The following TTC19 variants were observed in gnomAD, a reference collection of about 807,000 sequenced individuals.
TTC19 encodes tetratricopeptide repeat domain 19.
Under a neutral mutation model 49.5 loss-of-function variants are expected in TTC19, and 38 were observed. The ratio of observed to expected loss-of-function variants is 0.77; its 90% CI spans 0.59 to 1.01. TTC19 has a LOEUF of 1.01. Ranked by LOEUF, TTC19 falls within the 50% of genes least tolerant of loss-of-function variation. The probability of loss-of-function intolerance (pLI) is 0.00; values close to 1 mark genes in which losing one functional copy is unlikely to be tolerated. For synonymous variants in TTC19, 204 were observed against 185.2 expected (o/e 1.10, Z -0.83); for missense variants, 475 against 477.7 (o/e 0.99, Z 0.05).
At chr17:16,018,454 T>C (rs1205434643) in intron 7 of TTC19, among the ~76,000 whole-genome samples, 1 of 152,190 alleles carries the variant, frequency 6.6e-6, no homozygotes, top group Non-Finnish European at 1.5e-5. Flanking sequence ...TCAGTTGATA[T>C]TCCACATTAC....
chr17:16,002,046 G>A, intron 3 of TTC19, 21 bp downstream of exon 3: 1 of 1,537,742 alleles, frequency 6.5e-7, no homozygotes. Context: ...TAACCAGTCT[G>A]AACCACTGAT....
chr17:16,025,323 C>A, intron 8 of TTC19, 152 bp downstream of exon 8: 1 of 794,060 alleles, frequency 1.3e-6, no homozygotes, highest in Non-Finnish European at 2.0e-6. Context: ...CCAGCACCCT[C>A]ACCCCAACTA....
In TTC19 at chr17:16,001,985, A is replaced by T. The variant is rs771626805; in HGVS notation, c.383A>T (p.Gln128Leu). The change falls in exon 3 of 10, where the codon CAG (glutamine) becomes CTG (leucine). Residue 128 changes from glutamine (Q) to leucine (L), a missense_variant. Gln to Leu is a moderately radical substitution (Grantham distance 113, BLOSUM62 -2). Coordinates refer to ENST00000261647, the MANE Select transcript of TTC19 (RefSeq NM_017775.4). The part of the protein sequence containing the change: ...ILHDALRLAY[Q>L]TDNKKAITYT... ...CATGACGCTCTTCGTCTCGCCTATC[A>T]GACTGATAACAAGAAGGCCATCACT... 6.2e-7 allele frequency: 1 copy of T among 1,613,314 alleles called. No homozygotes were observed. Among genetic ancestry groups the T allele is most frequent in the South Asian group, 1.1e-5 (1 of 91,082 alleles).
At chr17:16,006,432 A>G in intron 6 of TTC19, 42 bp from the exon 7 acceptor site, 1 of 1,401,424 alleles carries the variant, frequency 7.1e-7, no homozygotes, top group Non-Finnish European at 1.0e-6. Flanking sequence ...GAAAAAAAAA[A>G]GAAGAAAAGG....
rs948928809 is a variant in TTC19, at chr17:16,028,021, G to A, written c.*499G>A. On this transcript the variant is annotated 3_prime_UTR_variant, in exon 10 of 10. Transcript: ENST00000261647. ...TAGTCTGTTTCATGAAGCACAAGTG[G>A]AATTTAATACATAAAAGAGAAAAAT... 2.0e-5 allele frequency: 9 copies of A among 453,960 alleles called. No individual in the cohort carries two copies. Among genetic ancestry groups the A allele is most frequent in the Non-Finnish European group, 3.1e-5 (7 of 226,826 alleles). The allele number at this position is 453,960 out of a possible 1,614,324, so 28.1% of individuals were successfully genotyped here.
At chr17:16,005,816 G>A (rs1009180665) in intron 6 of TTC19, among the ~76,000 whole-genome samples, 5 of 152,194 alleles carry the variant, frequency 3.3e-5, no homozygotes, top group African/African-American at 1.2e-4. Context: ...ACTGTTTAGG[G>A]TAGTATTACT....
downstream of TTC19, chr17:16,032,223 C>T: frequency 7.0e-7 from 1 of 1,435,898 alleles, no homozygotes; most frequent in Non-Finnish European, 9.2e-7. Context: ...AGGTTTTTGA[C>T]CTGCTACTAA....
At chr17:16,001,665 G>A (rs970749811) in intron 2 of TTC19, among the ~76,000 whole-genome samples, 1 of 152,218 alleles carries the variant, frequency 6.6e-6, no homozygotes, top group African/African-American at 2.4e-5. Flanking sequence ...TATGTTGTAA[G>A]ATCACATTCC....
At chr17:16,040,155 C>A (rs1399198927) in intron 2 of TTC19, 1 of 547,756 alleles carries the variant, frequency 1.8e-6, no homozygotes, top group Admixed American at 2.2e-5. Flanking sequence ...ATCAGTCACC[C>A]ACACTTCTAT....
At chr17:16,033,031 A>G (rs935260219), downstream of TTC19, among the ~76,000 whole-genome samples, 1 of 152,196 alleles carries the variant, frequency 6.6e-6, no homozygotes, top group Non-Finnish European at 1.5e-5. Context: ...TGTCCCCAGA[A>G]AGCCTCCTAC....
Position 16,027,664 on chromosome 17 carries a change from G to A in TTC19, c.*142G>A, listed in dbSNP as rs1313971680. 1 of 944,932 alleles carries A rather than the reference G, an allele frequency of 1.1e-6. No individual in the cohort carries two copies. Among genetic ancestry groups the A allele is most frequent in the Admixed American group, 2.0e-5 (1 of 50,962 alleles). 58.5% of individuals were successfully genotyped at this position (944,932 alleles called of 1,614,324 possible). A position where few individuals can be genotyped will look rare whatever the true frequency, so the allele number is the denominator to read the frequency against. On this transcript the variant is annotated 3_prime_UTR_variant, in exon 10 of 10. Transcript: ENST00000261647. ...TCAATTTAGCCTTAGTGAAGGAGGG[G>A]TTGTACACACTGCCATTTTTGTATT...
intron 7 of TTC19, chr17:16,023,888 AACTGAAG>A (rs1485150873): frequency 6.6e-6 from 1 of 152,232 alleles, no homozygotes; most frequent in African/African-American, 2.4e-5. Flanking sequence ...GATTTCTGAA[AACTGAAG>A]ACATAGAAGG....
chr17:16,016,104 G>A (rs1971206149), intron 7 of TTC19, among the ~76,000 whole-genome samples: 1 of 151,962 alleles, frequency 6.6e-6, no homozygotes, highest in Non-Finnish European at 1.5e-5. Flanking sequence ...GGTCCCTTAG[G>A]TGGGAGATGA....
intron 7 of TTC19, among the ~76,000 whole-genome samples, chr17:16,017,169 T>A (rs1971240295): frequency 1.3e-5 from 2 of 152,212 alleles, no homozygotes; most frequent in East Asian, 3.8e-4. Context: ...TATCTTACCC[T>A]TAACTTTTCT....
In TTC19 at chr17:16,001,917, G is replaced by C; in HGVS notation, c.315G>C (p.Leu105Phe). 18 of 1,608,760 alleles carry C rather than the reference G, an allele frequency of 1.1e-5. No individual in the cohort carries two copies. Among genetic ancestry groups the C allele is most frequent in the Non-Finnish European group, 1.5e-5 (18 of 1,175,996 alleles). Residue 105 changes from leucine to phenylalanine, a missense_variant and splice_region_variant, in exon 3 of 10, where the codon TTG becomes TTC. Leu to Phe is a conservative substitution (Grantham distance 22). Coordinates refer to ENST00000261647, the MANE Select transcript of TTC19 (RefSeq NM_017775.4). ...ATTATTTTGTCTTCCCTTTTCAGTTGAGCATTATGAAAGATGAGCCAGAAG... is the reference window on the plus strand; with the variant it reads ...ATTATTTTGTCTTCCCTTTTCAGTTCAGCATTATGAAAGATGAGCCAGAAG... ...EIIQLLKRAK[L>F]SIMKDEPEEA... is the part of the protein sequence containing the mutation.
At chr17:16,040,021 C>T (rs1268201793) in intron 2 of TTC19, 1 of 391,818 alleles carries the variant, frequency 2.6e-6, no homozygotes, top group Non-Finnish European at 4.9e-6. Flanking sequence ...AATTCCGAAC[C>T]TCAGGTGATC....
intron 7 of TTC19, among the ~76,000 whole-genome samples, chr17:16,013,799 G>C (rs1302687851): frequency 6.6e-6 from 1 of 152,202 alleles, no homozygotes; most frequent in East Asian, 1.9e-4. Flanking sequence ...AGTTCGTAAA[G>C]TGCCTTCAGA....
intron 8 of TTC19, 21 bp downstream of exon 8, chr17:16,025,192 A>G: frequency 6.2e-7 from 1 of 1,610,654 alleles, no homozygotes; most frequent in Non-Finnish European, 8.5e-7. Context: ...AAAACACAGA[A>G]GGGGGAATAT....
chr17:16,024,732 T>A (rs1449524784), intron 7 of TTC19: 3 of 425,854 alleles, frequency 7.0e-6, no homozygotes, highest in Non-Finnish European at 4.3e-6. Flanking sequence ...TTTTTGTTGT[T>A]AACTCATTCT....
Sources: allele counts gnomAD v4.1 joint callset (sites outside exome capture counted in the v4.1 genomes callset), GRCh38; gene constraint gnomAD v4.1.1; transcripts MANE v1.5; gene names NCBI Gene and HGNC (gene_info 2026-07-23, HGNC 2026-07-21).